The following PDGFRL variants were observed in gnomAD, a reference collection of about 807,000 sequenced individuals.
PDGFRL encodes the protein platelet-derived growth factor receptor-like protein.
PDGFRL carries 46 observed loss-of-function variants against 37.2 expected under a neutral mutation model. The observed-to-expected ratio is 1.24, with a 90% CI of 0.98 to 1.58. PDGFRL has a LOEUF of 1.58. PDGFRL is among the 40% of genes most tolerant of loss of function. The pLI is 0.00. For missense variants in PDGFRL, 692 were observed against 467.6 expected (o/e 1.48, Z -4.43); for synonymous variants, 251 against 184.3 (o/e 1.36, Z -2.93).
intron 5 of PDGFRL, among the ~76,000 whole-genome samples, chr8:17,641,118 T>C (rs1369645362): frequency 6.6e-6 from 1 of 152,150 alleles, no homozygotes; most frequent in Admixed American, 6.6e-5. Flanking sequence ...TCTCACTCCC[T>C]CTGTCCCTGC....
chr8:17,630,386 C>T (rs553054855), intron 4 of PDGFRL, among the ~76,000 whole-genome samples: 4 of 152,296 alleles, frequency 2.6e-5, no homozygotes, highest in South Asian at 4.1e-4. Context: ...AACTGCCATC[C>T]GTTCCATTGT....
chr8:17,612,214 C>T (rs551933792), intron 2 of PDGFRL, among the ~76,000 whole-genome samples: 13 of 152,228 alleles, frequency 8.5e-5, no homozygotes. Flanking sequence ...CTTTGTAAAA[C>T]TAACCTCCAG....
intron 1 of PDGFRL, among the ~76,000 whole-genome samples, chr8:17,580,410 A>T (rs1184913397): frequency 7.1e-4 from 108 of 152,314 alleles, no homozygotes; most frequent in Non-Finnish European, 8.8e-5. Context: ...AATGCACATA[A>T]TGAATGCTTT....
At chr8:17,634,349 T>C (rs1804926155) in intron 5 of PDGFRL, 136 bp downstream of exon 5, 2 of 652,742 alleles carry the variant, frequency 3.1e-6, no homozygotes, top group Non-Finnish European at 2.6e-6. Flanking sequence ...TGGGGCTATG[T>C]TGGGGGCCAG....
intron 2 of PDGFRL, among the ~76,000 whole-genome samples, chr8:17,591,825 G>T (rs560119020): frequency 7.2e-5 from 11 of 152,168 alleles, no homozygotes; most frequent in African/African-American, 2.6e-4. Flanking sequence ...GAGGCAGGAG[G>T]GGATTGCTTG....
chr8:17,590,474 G>A (rs746552271), intron 2 of PDGFRL, among the ~76,000 whole-genome samples: 4 of 152,012 alleles, frequency 2.6e-5, no homozygotes, highest in Non-Finnish European at 5.9e-5. Flanking sequence ...CCCTTTGGGA[G>A]GCCAAAGCAG....
chr8:17,630,412 T>A (rs867717045), intron 4 of PDGFRL, among the ~76,000 whole-genome samples: 2 of 152,242 alleles, frequency 1.3e-5, no homozygotes. Flanking sequence ...ATCCCCCTTT[T>A]CCTGAGGGTA....
chr8:17,629,518 A>G (rs1804819177), intron 4 of PDGFRL, among the ~76,000 whole-genome samples: 1 of 152,128 alleles, frequency 6.6e-6, no homozygotes. Context: ...GCCACCTGCC[A>G]ACCCTCATTC....
chr8:17,607,891 G>A (rs775464894), intron 2 of PDGFRL, among the ~76,000 whole-genome samples: 7 of 152,164 alleles, frequency 4.6e-5, no homozygotes, highest in Non-Finnish European at 7.3e-5. Flanking sequence ...TGTGTAGAAT[G>A]GCACATTTAT....
chr8:17,587,720 C>T (rs751000305), intron 1 of PDGFRL, among the ~76,000 whole-genome samples: 39 of 150,622 alleles, frequency 2.6e-4, no homozygotes, highest in Non-Finnish European at 8.9e-5. Flanking sequence ...CTCCGCCTCC[C>T]GGGTTCAAGC....
chr8:17,589,689 G>C lies in PDGFRL; in HGVS notation c.277G>C (p.Glu93Gln), dbSNP rs1312055593. The stretch of plus-strand genomic sequence containing the variant: ...GAGTCTGCTGGCGGGGCAAACTGTA[G>C]AGCTTCGATGTAAAGGGAGTAGAAT... ...TLSLLAGQTVELRCKGSRIGW... is the reference protein window; with the variant it reads ...TLSLLAGQTVQLRCKGSRIGW... The change falls in exon 2 of 6, where the codon GAG becomes CAG. Residue 93 changes from glutamate (E) to glutamine (Q), a missense_variant. Physicochemically the swap from Glu to Gln is conservative, Grantham distance 29 (BLOSUM62 2). Coordinates refer to ENST00000251630, the MANE Select transcript of PDGFRL (RefSeq NM_001372073.1). 2.5e-6 allele frequency: 4 copies of C among 1,613,642 alleles called. No homozygotes were observed. Among genetic ancestry groups the C allele is most frequent in the Admixed American group, 1.7e-5 (1 of 60,014 alleles).
chr8:17,613,379 G>C (rs1303641180), intron 2 of PDGFRL, among the ~76,000 whole-genome samples: 1 of 152,202 alleles, frequency 6.6e-6, no homozygotes, highest in Non-Finnish European at 1.5e-5. Context: ...GCTGGACAGA[G>C]GGTCAAAAAG....
intron 2 of PDGFRL, among the ~76,000 whole-genome samples, chr8:17,606,812 G>C (rs1354178083): frequency 6.6e-6 from 1 of 151,976 alleles, no homozygotes; most frequent in Non-Finnish European, 1.5e-5. Flanking sequence ...CCTAAATATC[G>C]GTGAGCTATT....
chr8:17,633,720 C>T (rs10112084), intron 4 of PDGFRL, among the ~76,000 whole-genome samples: 2,976 of 152,258 alleles, frequency 0.02, 102 homozygotes, highest in African/African-American at 0.067. Flanking sequence ...CCCCTGTGGA[C>T]ACCACCACCC....
chr8:17,598,077 A>G (rs1804090884), intron 2 of PDGFRL, among the ~76,000 whole-genome samples: 1 of 152,224 alleles, frequency 6.6e-6, no homozygotes, highest in Non-Finnish European at 1.5e-5. Context: ...CTCATGGTTC[A>G]TATGTGTAAC....
chr8:17,605,310 C>T (rs1437891394), intron 2 of PDGFRL, among the ~76,000 whole-genome samples: 2 of 152,190 alleles, frequency 1.3e-5, no homozygotes, highest in Admixed American at 6.5e-5. Context: ...ACCCATTTCA[C>T]TCCAACTGGG....
intron 2 of PDGFRL, among the ~76,000 whole-genome samples, chr8:17,608,835 G>A (rs1585316090): frequency 6.6e-6 from 1 of 152,172 alleles, no homozygotes. Flanking sequence ...GTGAGCAGGC[G>A]TTGGTGAGGC....
intron 5 of PDGFRL, among the ~76,000 whole-genome samples, chr8:17,641,292 C>T (rs767860910): frequency 6.6e-6 from 1 of 152,202 alleles, no homozygotes; most frequent in Admixed American, 6.5e-5. Flanking sequence ...ACCCCCTCAC[C>T]CGAGTTCTGT....
intron 2 of PDGFRL, among the ~76,000 whole-genome samples, chr8:17,598,456 A>T (rs1804098954): frequency 6.6e-6 from 1 of 152,164 alleles, no homozygotes; most frequent in Non-Finnish European, 1.5e-5. Flanking sequence ...GACACATACC[A>T]GAGCTCAGGA....
Sources: allele counts gnomAD v4.1 joint callset (sites outside exome capture counted in the v4.1 genomes callset), GRCh38; gene constraint gnomAD v4.1.1; transcripts MANE v1.5; gene names NCBI Gene and HGNC (gene_info 2026-07-23, HGNC 2026-07-21).